The following SMN2 variants were observed in gnomAD, a reference collection of about 807,000 sequenced individuals.
SMN2 encodes survival of motor neuron 2, centromeric.
In SMN2, 1 loss-of-function variant was observed where a neutral mutation model predicts 2.8. The ratio of observed to expected loss-of-function variants is 0.35; its 90% CI spans 0.13 to 1.68. The LOEUF (loss-of-function observed/expected upper bound fraction) is 1.68. Ranked by LOEUF, SMN2 falls within the 40% of genes most tolerant of loss-of-function variation. The pLI is 0.35. For synonymous variants in SMN2, 5 were observed against 5.0 expected (o/e 0.99, Z 0.01); for missense variants, 12 against 16.9 (o/e 0.71, Z 0.51).
chr5:70,081,224 T>G (rs1247950474), downstream of SMN2, among the ~76,000 whole-genome samples: 1 of 116,254 alleles, frequency 8.6e-6, no homozygotes, highest in African/African-American at 4.0e-5. Context: ...GGTCTATATC[T>G]CTGTTTTGGT....
the SMN2 span, among the ~76,000 whole-genome samples, chr5:70,084,614 T>G: frequency 7.3e-6 from 1 of 137,644 alleles, no homozygotes; most frequent in Non-Finnish European, 1.5e-5. Flanking sequence ...CCTTTGAATC[T>G]TTGTCAATTG....
At chr5:70,084,392 T>A in the SMN2 span, among the ~76,000 whole-genome samples, 3 of 120,874 alleles carry the variant, frequency 2.5e-5, 1 homozygote, top group African/African-American at 1.1e-4. Flanking sequence ...TTTCACCATG[T>A]TGGCCAGGCT....
At chr5:70,076,043 C>T (rs1457707829) in intron 7 of SMN2, among the ~76,000 whole-genome samples, 2 of 125,932 alleles carry the variant, frequency 1.6e-5, no homozygotes, top group Admixed American at 8.0e-5. Flanking sequence ...TCAGTAGAAA[C>T]GGGGTTTTGC....
chr5:70,070,100 T>G (rs1228243387), intron 6 of SMN2, among the ~76,000 whole-genome samples: 3 of 122,292 alleles, frequency 2.5e-5, no homozygotes, highest in Non-Finnish European at 4.9e-5. Flanking sequence ...AGAACAGGTG[T>G]TCTACCCAAG....
chr5:70,084,044 T>C, the SMN2 span, among the ~76,000 whole-genome samples: 1 of 88,660 alleles, frequency 1.1e-5, no homozygotes, highest in African/African-American at 6.4e-5. Flanking sequence ...TACAGATGTG[T>C]ACCACGCTTA....
chr5:70,084,264 G>A, the SMN2 span, among the ~76,000 whole-genome samples: 23 of 67,646 alleles, frequency 3.4e-4, no homozygotes, highest in Admixed American at 7.2e-4. Flanking sequence ...TCAGCTCACC[G>A]CAACCTCCGC....
At chr5:70,074,590 C>T (rs1051423933) in intron 7 of SMN2, among the ~76,000 whole-genome samples, 2 of 125,034 alleles carry the variant, frequency 1.6e-5, no homozygotes, top group Non-Finnish European at 3.5e-5. Context: ...TTGCGGTGAG[C>T]CGAGATCACC....
chr5:70,088,424 CTTTTTTTTTTT>C, the SMN2 span, among the ~76,000 whole-genome samples: 2 of 36,656 alleles, frequency 5.5e-5, no homozygotes, highest in South Asian at 1.3e-3. Context: ...AAGTTTCAAA[CTTTTTTTTTTT>C]TTTTTTTTTT....
At chr5:70,079,459 C>G (rs1432364763), downstream of SMN2, among the ~76,000 whole-genome samples, 1 of 147,170 alleles carries the variant, frequency 6.8e-6, no homozygotes, top group Non-Finnish European at 1.5e-5. Context: ...AAACACGTTA[C>G]TAAGAGCAAC....
At chr5:70,077,918 G>T (rs1188081797), downstream of SMN2, 1 of 121,036 alleles carries the variant, frequency 8.3e-6, no homozygotes, top group Non-Finnish European at 1.6e-5. Context: ...TGTATTTTTA[G>T]TAGAGATGGA....
chr5:70,083,810 G>A, the SMN2 span, among the ~76,000 whole-genome samples: 1 of 132,444 alleles, frequency 7.6e-6, no homozygotes, highest in Non-Finnish European at 1.5e-5. Flanking sequence ...TGTGGGGTGG[G>A]GGGAGTGGGG....
the SMN2 span, among the ~76,000 whole-genome samples, chr5:70,083,850 C>G: frequency 7.6e-6 from 1 of 131,800 alleles, no homozygotes; most frequent in Admixed American, 7.5e-5. Flanking sequence ...ATACCTAATG[C>G]TAAATGAGGA....
At position 70,075,971 on chromosome 5, in the gene SMN2, A is replaced by G. The variant is rs546038908; in HGVS notation, c.835-550A>G. 7.9e-5 allele frequency among the ~76,000 whole-genome samples: 10 copies of G among 125,924 alleles called. 2 individuals carry two copies. The highest frequency in any genetic ancestry group is 1.6e-4 in the Admixed American group (2 of 12,656). 82.6% of individuals were successfully genotyped at this position (125,924 alleles called of 152,430 possible). A position where few individuals can be genotyped will look rare whatever the true frequency, so the allele number is the denominator to read the frequency against. On this transcript the variant is annotated intron_variant, in intron 7 of 8. Coordinates refer to ENST00000380743, the MANE Select transcript of SMN2 (RefSeq NM_017411.4). ...TGGGTTCAAGTGATTCTCCTGCCTC[A>G]ACCTCCCAAGTAGCTGGGATTAGAG...
At chr5:70,084,425 G>A in the SMN2 span, among the ~76,000 whole-genome samples, 1 of 129,128 alleles carries the variant, frequency 7.7e-6, no homozygotes, top group Non-Finnish European at 1.6e-5. Context: ...CTGACCTTGT[G>A]ATCTGCTCGC....
At chr5:70,079,316 C>T (rs573464328), downstream of SMN2, among the ~76,000 whole-genome samples, 2 of 145,768 alleles carry the variant, frequency 1.4e-5, no homozygotes, top group African/African-American at 5.5e-5. Context: ...CCTGTAGTCC[C>T]AGCTACTTGG....
At chr5:70,085,080 T>TA in the SMN2 span, among the ~76,000 whole-genome samples, 1 of 133,766 alleles carries the variant, frequency 7.5e-6, no homozygotes, top group South Asian at 2.3e-4. Context: ...TTTTACTGTT[T>TA]AAAGTGATTC....
downstream of SMN2, among the ~76,000 whole-genome samples, chr5:70,083,350 G>A (rs1198609463): frequency 7.4e-6 from 1 of 135,390 alleles, no homozygotes; most frequent in Non-Finnish European, 1.5e-5. Flanking sequence ...ATGTGGGGTG[G>A]AGAGTTCTGT....
downstream of SMN2, among the ~76,000 whole-genome samples, chr5:70,081,099 C>T (rs1168241974): frequency 2.6e-5 from 3 of 114,600 alleles, no homozygotes; most frequent in Middle Eastern, 0.012. Flanking sequence ...AGTTTCCCAG[C>T]ACCATTTATT....
the SMN2 span, among the ~76,000 whole-genome samples, chr5:70,083,721 A>G: frequency 1.5e-5 from 2 of 129,442 alleles, no homozygotes; most frequent in Non-Finnish European, 3.1e-5. Flanking sequence ...CAAACACCGC[A>G]TGTTCTCACT....
Sources: gnomAD v4.1 joint callset for allele counts (sites outside exome capture counted in the v4.1 genomes callset) on GRCh38, gnomAD v4.1.1 for gene constraint, MANE v1.5 for transcripts, NCBI Gene and HGNC (gene_info 2026-07-23, HGNC 2026-07-21) for gene names.